Variants in HERC4 observed in about 807,000 individuals in gnomAD.
The protein encoded by HERC4 is probable E3 ubiquitin-protein ligase HERC4.
In HERC4, 28 loss-of-function variants were observed where a neutral mutation model predicts 124.3. The ratio of observed to expected loss-of-function variants is 0.23; its 90% CI spans 0.17 to 0.31. The LOEUF is 0.31. Ranked by LOEUF, HERC4 falls within the 10% of genes least tolerant of loss-of-function variation. The pLI is 1.00. For missense variants in HERC4, 713 were observed against 1,229.3 expected, an observed-to-expected ratio of 0.58 and a Z score of 6.28; for synonymous variants, 407 against 421.5, an observed-to-expected ratio of 0.97 and a Z score of 0.42.
chr10:67,993,427 G>C (rs1005802027), intron 9 of HERC4: 1 of 152,060 alleles, frequency 6.6e-6, no homozygotes. Flanking sequence ...AGTGAGGCAG[G>C]AGGATGGCGT....
chr10:68,034,326 T>C, intron 5 of HERC4, 140 bp from the exon 6 acceptor site: 2 of 654,322 alleles, frequency 3.1e-6, no homozygotes, highest in Non-Finnish European at 5.2e-6. Context: ...ATATAAATAT[T>C]ATTTTTAGCA....
In HERC4 at chr10:67,990,294, C is replaced by T. The variant is rs2036481158; in HGVS notation, c.1550G>A (p.Ser517Asn). 6.2e-7 allele frequency: 1 copy of T among 1,612,850 alleles called. No homozygotes were observed. Residue 517 changes from serine to asparagine, a missense_variant, in exon 14 of 25, where the codon AGT becomes AAT. Transcript: ENST00000373700. ...TATTGTTGTGAAATTGTTGGAATCACTCATCAGGGGACATTCTGGTAGAGT... is the reference window on the plus strand; with the variant it reads ...TATTGTTGTGAAATTGTTGGAATCATTCATCAGGGGACATTCTGGTAGAGT... The part of the protein sequence containing the change: ...YLTLPECPLM[S>N]DSNNFTTIAI...
intron 4 of HERC4, among the ~76,000 whole-genome samples, chr10:68,041,302 A>G (rs540621953): frequency 2.0e-5 from 3 of 152,064 alleles, no homozygotes; most frequent in African/African-American, 7.3e-5. Flanking sequence ...ACTCATTTCA[A>G]TTTTGAAAAA....
intron 3 of HERC4, chr10:68,069,870 G>A (rs894017364): frequency 2.0e-5 from 9 of 457,662 alleles, no homozygotes; most frequent in Non-Finnish European, 2.3e-5. Flanking sequence ...GTGAAACCCC[G>A]TCCCTACTAA....
At chr10:68,033,304 A>C (rs1045218933) in intron 6 of HERC4, among the ~76,000 whole-genome samples, 4 of 152,212 alleles carry the variant, frequency 2.6e-5, no homozygotes, top group African/African-American at 9.6e-5. Context: ...CTTATGCAAA[A>C]CAAGGTATTC....
At position 68,014,165 on chromosome 10, in the gene HERC4, A is replaced by G. The variant is rs2038128985; in HGVS notation, c.930T>C (p.Val310=). 3 of 1,611,860 alleles carry G rather than the reference A, an allele frequency of 1.9e-6. No individual in the cohort carries two copies. The East Asian group carries it at 6.7e-5, about 36-fold the overall frequency. The change falls in exon 9 of 25, where the codon GTT becomes GTC. Residue 310 remains valine (V), a synonymous_variant. Coordinates refer to ENST00000373700, the MANE Select transcript of HERC4 (RefSeq NM_015601.4). ...AAGAGTAAATTCGTCCTGATGAAGG[A>G]ACAAAAGCAGAAGTGTGCTGCCTAG... is the stretch of plus-strand genomic sequence containing the variant. ...ACGRQHTSAF[V]PSSGRIYSFG...
intron 15 of HERC4, among the ~76,000 whole-genome samples, chr10:67,980,753 G>A (rs2035882507): frequency 6.6e-6 from 1 of 152,044 alleles, no homozygotes; most frequent in African/African-American, 2.4e-5. Flanking sequence ...AAAAGCAGGA[G>A]TACAAAGTTA....
intron 9 of HERC4, among the ~76,000 whole-genome samples, chr10:68,010,009 A>G (rs992395491): frequency 2.0e-5 from 3 of 152,142 alleles, no homozygotes; most frequent in African/African-American, 4.8e-5. Context: ...ATGGGGATTA[A>G]AATCAAGAGC....
chr10:67,951,466 C>T (rs2132266116), intron 19 of HERC4, among the ~76,000 whole-genome samples: 1 of 152,330 alleles, frequency 6.6e-6, no homozygotes, highest in South Asian at 2.1e-4. Flanking sequence ...AAGTCTGACA[C>T]AATTTTATGA....
rs571277046 is a variant in HERC4, at chr10:67,975,526, T to C, written c.1807-8724A>G. On this transcript the variant is annotated intron_variant, in intron 15 of 24. Transcript: ENST00000373700. The stretch of plus-strand genomic sequence containing the variant: ...CACCATGCCCAGCTAATTTTTTGTA[T>C]TTTTGTAGAGATGGGATTTCACCAT... Among the ~76,000 whole-genome samples the C allele has an allele frequency of 4.6e-5, 7 of 152,212 alleles. No individual in the cohort carries two copies. The East Asian group carries it at 1.2e-3, about 25-fold the overall frequency.
intron 16 of HERC4, 39 bp downstream of exon 16, chr10:67,966,644 T>C (rs2034883587): frequency 1.3e-6 from 2 of 1,583,056 alleles, no homozygotes; most frequent in Non-Finnish European, 1.7e-6. Flanking sequence ...TAGATACATA[T>C]ACATAAAAAT....
chr10:67,982,050 A>G (rs1453875115), intron 15 of HERC4, among the ~76,000 whole-genome samples: 1 of 152,218 alleles, frequency 6.6e-6, no homozygotes, highest in Non-Finnish European at 1.5e-5. Context: ...ATAGCAATCT[A>G]CAGATTCATT....
chr10:68,038,031 C>T, intron 5 of HERC4, 62 bp downstream of exon 5: 4 of 902,444 alleles, frequency 4.4e-6, no homozygotes, highest in Non-Finnish European at 6.9e-6. Flanking sequence ...GAACTATATG[C>T]ACAATCAAAA....
At chr10:68,063,259 G>C (rs1383929552) in intron 3 of HERC4, among the ~76,000 whole-genome samples, 1 of 152,036 alleles carries the variant, frequency 6.6e-6, no homozygotes, top group African/African-American at 2.4e-5. Context: ...ACCCAGGCTA[G>C]AGTGCAATGG....
At chr10:67,934,905 G>T (rs1464577441) in intron 22 of HERC4, among the ~76,000 whole-genome samples, 5 of 133,392 alleles carry the variant, frequency 3.7e-5, no homozygotes, top group African/African-American at 1.4e-4. Flanking sequence ...TTTCTGGGAA[G>T]TTTTTTTTTT....
rs540534635 is a variant in HERC4 at position 68,055,494 on chromosome 10, C to T, written c.227-10931G>A. ...TTCATACCCCTTTTATATATTTATA[C>T]AGAGGAATACAATTAACGTATATAA... On this transcript the variant is annotated intron_variant, in intron 3 of 24. Transcript: ENST00000373700. Among the ~76,000 whole-genome samples the T allele has an allele frequency of 4.6e-5, 7 of 152,192 alleles. No homozygotes were observed. The South Asian group carries it at 1.5e-3, about 32-fold the overall frequency.
rs1285419984 is a variant in HERC4 at position 68,059,781 on chromosome 10, A to T, written c.226+13102T>A. 3.2e-4 allele frequency among the ~76,000 whole-genome samples: 24 copies of T among 75,094 alleles called. 4 individuals are homozygous for T. Among genetic ancestry groups the T allele is most frequent in the South Asian group, 9.8e-4 (3 of 3,058 alleles). 49.3% of individuals were successfully genotyped at this position (75,094 alleles called of 152,430 possible). A position where few individuals can be genotyped will look rare whatever the true frequency, so the allele number is the denominator to read the frequency against. On this transcript the variant is annotated intron_variant, in intron 3 of 24. Transcript: ENST00000373700. The stretch of plus-strand genomic sequence containing the variant: ...TATATATCATAATATTATATATTAT[A>T]ATATTATATATCATAATATTATATA...
At chr10:67,974,093 CACACACACACACACACACACACACACAT>C in intron 15 of HERC4, among the ~76,000 whole-genome samples, 1 of 140,846 alleles carries the variant, frequency 7.1e-6, no homozygotes, top group Non-Finnish European at 1.5e-5. Context: ...CACACACACA[CACACACACACACACACACACACACACAT>C]ACACACAGGG....
intron 9 of HERC4, chr10:67,993,802 T>C (rs1589268669): frequency 6.6e-6 from 1 of 152,020 alleles, no homozygotes; most frequent in African/African-American, 2.4e-5. Flanking sequence ...CTCCCCAAAC[T>C]GGAAAGAGTA....
Sources: allele counts gnomAD v4.1 joint callset (sites outside exome capture counted in the v4.1 genomes callset), GRCh38; gene constraint gnomAD v4.1.1; transcripts MANE v1.5; gene names NCBI Gene and HGNC (gene_info 2026-07-23, HGNC 2026-07-21).